Variants in IGFLR1 observed in about 807,000 individuals in gnomAD.
The protein encoded by IGFLR1 is IGF like family receptor 1.
IGFLR1 carries 17 observed loss-of-function variants against 23.4 expected under a neutral mutation model. The ratio of observed to expected loss-of-function variants is 0.73; its 90% CI spans 0.50 to 1.09. The LOEUF (loss-of-function observed/expected upper bound fraction) is 1.09, where lower values mean the gene tolerates loss of function less well. Among genes scored for constraint, IGFLR1 ranks in the 50% least tolerant of loss-of-function variants. The probability of loss-of-function intolerance (pLI) is 0.00; values close to 1 mark genes in which losing one functional copy is unlikely to be tolerated. For synonymous variants in IGFLR1, 265 were observed against 210.7 expected, an observed-to-expected ratio of 1.26 and a Z score of -2.23; for missense variants, 556 against 459.2, an observed-to-expected ratio of 1.21 and a Z score of -1.93.
chr19:35,739,013 A>T lies in IGFLR1; in HGVS notation c.*267T>A, dbSNP rs1270803358. On this transcript the variant is annotated 3_prime_UTR_variant, in exon 5 of 5. Transcript: ENST00000246532. The stretch of plus-strand genomic sequence containing the variant: ...CATCATTCAGAATTAGAAGTCAGTC[A>T]TGGGGTCTGTTACGGCTTCAGAACA... The T allele has an allele frequency of 1.9e-6, 1 of 519,798 alleles. No homozygotes were observed. The highest frequency in any genetic ancestry group is 1.9e-5 in the African/African-American group (1 of 52,364). The allele number at this position is 519,798 out of a possible 1,614,324, so 32.2% of individuals were successfully genotyped here. A position where few individuals can be genotyped will look rare whatever the true frequency, so the allele number is the denominator to read the frequency against.
At chr19:35,740,728 C>A in intron 2 of IGFLR1, 164 bp from the exon 3 acceptor site, 2 of 705,134 alleles carry the variant, frequency 2.8e-6, no homozygotes, top group Non-Finnish European at 4.6e-6. Context: ...GCCTTTTCAC[C>A]CCCCTCCAGC....
rs1005277772 is a variant in IGFLR1, at chr19:35,739,501, G to A, written c.847C>T (p.Arg283Ter). The A allele has an allele frequency of 7.4e-6, 12 of 1,613,884 alleles. No homozygotes were observed. Among genetic ancestry groups the A allele is most frequent in the African/African-American group, 2.7e-5 (2 of 74,934 alleles). Residue 283 changes from arginine to a stop codon, truncating the protein, a stop_gained, in exon 5 of 5, where the codon CGA (arginine) becomes TGA (stop). Transcript: ENST00000246532. LOFTEE classifies it low-confidence loss of function (END_TRUNC). ...PGGGMAHGTTRHLAARYGLPA... is the reference protein window; with the variant it reads ...PGGGMAHGTT ...AGCCCATATCTTGCGGCCAGGTGTC[G>A]AGTAGTGCCATGGGCCATACCCCCA...
chr19:35,741,139 C>T lies in IGFLR1; in HGVS notation c.42G>A (p.Leu14=). Reference sequence around the variant, plus strand: ...AGGCTTCCGGCGGTGGCGCCAGGGCCAGAAGCAACAAGGCCGTCAGGAGGC... The same window carrying T: ...AGGCTTCCGGCGGTGGCGCCAGGGCTAGAAGCAACAAGGCCGTCAGGAGGC... ...GRCLLTALLL[L]ALAPPPEASQ... Residue 14 remains leucine, a synonymous_variant, in exon 2 of 5, where the codon CTG becomes CTA. Transcript: ENST00000246532. 1 of 1,602,500 alleles carries T rather than the reference C, an allele frequency of 6.2e-7. No individual in the cohort carries two copies. The highest frequency in any genetic ancestry group is 1.7e-5 in the Admixed American group (1 of 58,920).
chr19:35,742,296 G>T, intron 1 of IGFLR1, 100 bp downstream of exon 1: 1 of 968,290 alleles, frequency 1.0e-6, no homozygotes, highest in Non-Finnish European at 1.4e-6. Context: ...TGGGGCTAGG[G>T]CTCCTCCCAC....
intron 2 of IGFLR1, chr19:35,740,780 T>A: frequency 1.6e-6 from 1 of 638,018 alleles, no homozygotes. Flanking sequence ...CTTCTCTACA[T>A]AAAGCCCACC....
At chr19:35,741,501 G>A (rs1970232296) in intron 1 of IGFLR1, 2 of 338,708 alleles carry the variant, frequency 5.9e-6, no homozygotes, top group South Asian at 4.9e-5. Context: ...TAGGGTTATT[G>A]TGGAGAATTA....
rs918934268 is a variant in IGFLR1, at chr19:35,739,800, T to C, written c.631A>G (p.Thr211Ala). 1 of 1,585,636 alleles carries C rather than the reference T, an allele frequency of 6.3e-7. No homozygotes were observed. Among genetic ancestry groups the C allele is most frequent in the African/African-American group, 1.3e-5 (1 of 74,274 alleles). Residue 211 changes from threonine (T) to alanine (A), a missense_variant, in exon 4 of 5, where the codon ACC (threonine) becomes GCC (alanine). Coordinates refer to ENST00000246532, the MANE Select transcript of IGFLR1 (RefSeq NM_024660.4). Reference protein sequence around the residue: ...GLVCGVPNTHTPSSSHLSSPG... With the variant: ...GLVCGVPNTHAPSSSHLSSPG... ...GAGGACAGATGCGAGGAGGAAGGGG[T>C]GTGGGTGTTGGGGACTCCGCAGACC...
Position 35,739,298 on chromosome 19 carries a change from A to G in IGFLR1, c.1050T>C (p.Ser350=). 6.3e-7 allele frequency: 1 copy of G among 1,596,388 alleles called. No homozygotes were observed. Among genetic ancestry groups the G allele is most frequent in the Non-Finnish European group, 8.6e-7 (1 of 1,168,702 alleles). The part of the protein sequence containing the change: ...ALRVLSKLGS[S]GVCWA ...TTGGGTGTTAAGCCCAGCAAACCCC[A>G]GATGAGCCAAGCTTGGACAGCACCC... The change falls in exon 5 of 5, where the codon TCT becomes TCC. Residue 350 remains serine (S), a synonymous_variant. Coordinates refer to ENST00000246532, the MANE Select transcript of IGFLR1 (RefSeq NM_024660.4).
chr19:35,740,968 C>A (rs769840324), intron 2 of IGFLR1, 56 bp downstream of exon 2: 1 of 1,563,810 alleles, frequency 6.4e-7, no homozygotes. Flanking sequence ...CGCCCCTTCC[C>A]CGCTCCCTAT....
chr19:35,740,154 C>G (rs1970128897), intron 3 of IGFLR1, 66 bp from the exon 4 acceptor site: 3 of 1,501,370 alleles, frequency 2.0e-6, no homozygotes, highest in Non-Finnish European at 2.7e-6. Context: ...CCAAACCTCC[C>G]AACTTTATAT....
In IGFLR1 at chr19:35,739,249, C is replaced by T. The variant is rs770252720; in HGVS notation, c.*31G>A. On this transcript the variant is annotated 3_prime_UTR_variant, in exon 5 of 5. Coordinates refer to ENST00000246532, the MANE Select transcript of IGFLR1 (RefSeq NM_024660.4). ...ACTTCAGTGCTAATTGTATACTGGGCTTAGTAGTCAGCAAAGTTCTTTATT... is the reference window on the plus strand; with the variant it reads ...ACTTCAGTGCTAATTGTATACTGGGTTTAGTAGTCAGCAAAGTTCTTTATT... The T allele has an allele frequency of 1.2e-5, 18 of 1,505,180 alleles. No homozygotes were observed. The highest frequency in any genetic ancestry group is 1.5e-5 in the Non-Finnish European group (17 of 1,116,436). 93.2% of individuals were successfully genotyped at this position (1,505,180 alleles called of 1,614,324 possible). A position where few individuals can be genotyped will look rare whatever the true frequency, so the allele number is the denominator to read the frequency against.
intron 2 of IGFLR1, chr19:35,740,789 C>T: frequency 1.6e-6 from 1 of 635,962 alleles, no homozygotes; most frequent in Non-Finnish European, 2.7e-6. Flanking sequence ...ATAAAGCCCA[C>T]CCTTTCCACG....
Position 35,739,060 on chromosome 19 carries a change from T to C in IGFLR1, c.*220A>G. 1.7e-6 allele frequency: 1 copy of C among 577,876 alleles called. No homozygotes were observed. Among genetic ancestry groups the C allele is most frequent in the East Asian group, 2.9e-5 (1 of 34,880 alleles). 35.8% of individuals were successfully genotyped at this position (577,876 alleles called of 1,614,324 possible). On this transcript the variant is annotated 3_prime_UTR_variant, in exon 5 of 5. Transcript: ENST00000246532. Reference sequence around the variant, plus strand: ...AACAACACAACACAGCAACTGTCTGTAGCAGGGTTGTTTCCCAGAGGGGAT... The same window carrying C: ...AACAACACAACACAGCAACTGTCTGCAGCAGGGTTGTTTCCCAGAGGGGAT...
intron 3 of IGFLR1, 137 bp downstream of exon 3, chr19:35,740,243 T>C (rs1332299047): frequency 2.5e-5 from 33 of 1,318,236 alleles, no homozygotes; most frequent in Non-Finnish European, 3.1e-5. Flanking sequence ...TACCTTAACC[T>C]AGGACCTCCC....
chr19:35,739,534 C>T lies in IGFLR1; in HGVS notation c.814G>A (p.Gly272Arg). 1.2e-6 allele frequency: 2 copies of T among 1,614,134 alleles called. No individual in the cohort carries two copies. The highest frequency in any genetic ancestry group is 1.7e-6 in the Non-Finnish European group (2 of 1,180,042). The change falls in exon 5 of 5, where the codon GGG becomes AGG. Residue 272 changes from glycine to arginine, a missense_variant. Gly to Arg is a moderately radical substitution (Grantham distance 125). Coordinates refer to ENST00000246532, the MANE Select transcript of IGFLR1 (RefSeq NM_024660.4). ...ELIVLLDPEP[G>R]PGGGMAHGTT... ...CCATGGGCCATACCCCCACCTGGCC[C>T]AGGCTCAGGGTCCAGCAGTACAATC...
At chr19:35,740,637 C>T (rs945430267) in intron 2 of IGFLR1, 73 bp from the exon 3 acceptor site, 19 of 1,421,862 alleles carry the variant, frequency 1.3e-5, no homozygotes, top group Non-Finnish European at 1.8e-5. Context: ...TCCCTTCGCC[C>T]TATCCCAGCG....
chr19:35,741,830 C>T (rs367718806), intron 1 of IGFLR1, among the ~76,000 whole-genome samples: 8 of 147,142 alleles, frequency 5.4e-5, no homozygotes, highest in African/African-American at 2.0e-4. Flanking sequence ...AAAAACTGGC[C>T]GCCGGGCGCA....
intron 1 of IGFLR1, among the ~76,000 whole-genome samples, chr19:35,741,972 G>A (rs971669068): frequency 7.9e-5 from 12 of 152,228 alleles, no homozygotes; most frequent in African/African-American, 2.6e-4. Flanking sequence ...TTAGCCGGGC[G>A]TGGTAGCGCA....
chr19:35,739,541 A>G lies in IGFLR1; in HGVS notation c.807T>C (p.Pro269=). The stretch of plus-strand genomic sequence containing the variant: ...CCATACCCCCACCTGGCCCAGGCTC[A>G]GGGTCCAGCAGTACAATCAGCTCTT... ...VLEELIVLLD[P]EPGPGGGMAH... Residue 269 remains proline (P), a synonymous_variant, in exon 5 of 5, where the codon CCT becomes CCC. Transcript: ENST00000246532. 6.2e-7 allele frequency: 1 copy of G among 1,614,116 alleles called. No individual in the cohort carries two copies. The highest frequency in any genetic ancestry group is 8.5e-7 in the Non-Finnish European group (1 of 1,180,026).
Sources: allele counts gnomAD v4.1 joint callset (sites outside exome capture counted in the v4.1 genomes callset), GRCh38; gene constraint gnomAD v4.1.1; transcripts MANE v1.5; gene names NCBI Gene and HGNC (gene_info 2026-07-23, HGNC 2026-07-21).